SCHIP1: variants seen among roughly 807,000 people sequenced by gnomAD.
SCHIP1 encodes the protein schwannomin interacting protein 1, also known as schwannomin-interacting protein 1.
Under a neutral mutation model 29.7 loss-of-function variants are expected in SCHIP1, and 8 were observed. The observed-to-expected ratio is 0.27, with a 90% CI of 0.16 to 0.49. SCHIP1 has a LOEUF of 0.49. Ranked by LOEUF, SCHIP1 falls within the 20% of genes least tolerant of loss-of-function variation. The pLI is 0.99. For synonymous variants in SCHIP1, 76 were observed against 94.9 expected, an observed-to-expected ratio of 0.80 and a Z score of 1.16; for missense variants, 193 against 294.6, an observed-to-expected ratio of 0.66 and a Z score of 2.52.
At chr3:159,680,892 A>G in the SCHIP1 span, among the ~76,000 whole-genome samples, 1 of 149,842 alleles carries the variant, frequency 6.7e-6, no homozygotes, top group Non-Finnish European at 1.5e-5. Flanking sequence ...TAAAAATATA[A>G]ATTTTTAAAC....
the SCHIP1 span, among the ~76,000 whole-genome samples, chr3:159,542,568 C>T: frequency 1.3e-5 from 2 of 152,066 alleles, no homozygotes; most frequent in South Asian, 4.1e-4. Context: ...TATTGCTGAG[C>T]GGTATTCCAT....
the SCHIP1 span, among the ~76,000 whole-genome samples, chr3:159,605,691 A>G: frequency 6.6e-6 from 1 of 152,244 alleles, no homozygotes; most frequent in East Asian, 1.9e-4. Context: ...GAGATAGTAC[A>G]GATAATCAAA....
At chr3:159,508,803 T>C in the SCHIP1 span, among the ~76,000 whole-genome samples, 4 of 152,228 alleles carry the variant, frequency 2.6e-5, no homozygotes, top group African/African-American at 9.6e-5. Flanking sequence ...AATCCTGAGT[T>C]CTAGTTTGAT....
the SCHIP1 span, among the ~76,000 whole-genome samples, chr3:159,330,241 A>T: frequency 6.6e-6 from 1 of 152,152 alleles, no homozygotes; most frequent in Non-Finnish European, 1.5e-5. Flanking sequence ...TAGATCAGTA[A>T]TTCTTTTTTC....
At chr3:159,436,774 C>T in the SCHIP1 span, among the ~76,000 whole-genome samples, 1 of 152,082 alleles carries the variant, frequency 6.6e-6, no homozygotes, top group African/African-American at 2.4e-5. Flanking sequence ...GTGTCAGGTA[C>T]AATTGAGCTT....
the SCHIP1 span, among the ~76,000 whole-genome samples, chr3:159,393,784 C>A: frequency 6.6e-6 from 1 of 151,568 alleles, no homozygotes. Flanking sequence ...TTAGGATTGA[C>A]TTGGCGATGC....
At chr3:159,680,557 A>G in the SCHIP1 span, among the ~76,000 whole-genome samples, 1 of 117,982 alleles carries the variant, frequency 8.5e-6, no homozygotes, top group Non-Finnish European at 1.7e-5. Context: ...TATATAATAT[A>G]TATAATATAT....
At chr3:159,720,663 C>A in the SCHIP1 span, among the ~76,000 whole-genome samples, 2,096 of 152,178 alleles carry the variant, frequency 0.014, 22 homozygotes, top group Non-Finnish European at 0.022. Flanking sequence ...CGGCTCACTG[C>A]AACCTCTGCC....
At chr3:159,437,853 G>C in the SCHIP1 span, among the ~76,000 whole-genome samples, 3 of 152,114 alleles carry the variant, frequency 2.0e-5, no homozygotes, top group African/African-American at 7.2e-5. Flanking sequence ...ATACTAGTAA[G>C]AAGTAATATA....
chr3:159,347,547 G>A, the SCHIP1 span, among the ~76,000 whole-genome samples: 3 of 152,308 alleles, frequency 2.0e-5, no homozygotes, highest in Admixed American at 2.0e-4. Flanking sequence ...TTTATTAATA[G>A]TGACTTCAGA....
At chr3:159,563,869 C>T in the SCHIP1 span, among the ~76,000 whole-genome samples, 1 of 152,090 alleles carries the variant, frequency 6.6e-6, no homozygotes, top group African/African-American at 2.4e-5. Context: ...TCCTCTATTG[C>T]ATATCAAAAT....
At chr3:159,398,433 G>C in the SCHIP1 span, among the ~76,000 whole-genome samples, 4 of 152,188 alleles carry the variant, frequency 2.6e-5, no homozygotes, top group Non-Finnish European at 5.9e-5. Flanking sequence ...GGTTCTGGTA[G>C]GTCAGGGGTT....
chr3:159,677,895 G>A, the SCHIP1 span, among the ~76,000 whole-genome samples: 1 of 152,134 alleles, frequency 6.6e-6, no homozygotes, highest in South Asian at 2.1e-4. Context: ...GGGTGCAGTG[G>A]TGCCATCATA....
the SCHIP1 span, among the ~76,000 whole-genome samples, chr3:159,428,031 T>C: frequency 2.0e-5 from 3 of 152,324 alleles, no homozygotes; most frequent in South Asian, 2.1e-4. Flanking sequence ...TTACATCTTA[T>C]TCAAAAATTA....
the SCHIP1 span, among the ~76,000 whole-genome samples, chr3:159,560,239 C>T: frequency 6.6e-6 from 1 of 152,130 alleles, no homozygotes; most frequent in Admixed American, 6.5e-5. Flanking sequence ...CTACATCTTG[C>T]CACTCCTGTG....
At chr3:159,594,414 A>T in the SCHIP1 span, among the ~76,000 whole-genome samples, 6 of 152,222 alleles carry the variant, frequency 3.9e-5, no homozygotes, top group Non-Finnish European at 7.3e-5. Flanking sequence ...AAGTAAAGTC[A>T]ATTGAAGGAA....
At chr3:159,566,416 C>A in the SCHIP1 span, among the ~76,000 whole-genome samples, 2 of 152,074 alleles carry the variant, frequency 1.3e-5, no homozygotes, top group Admixed American at 1.3e-4. Context: ...AAAAATAAAC[C>A]AAAACCCTGC....
chr3:159,279,267 C>T, the SCHIP1 span, among the ~76,000 whole-genome samples: 1 of 152,146 alleles, frequency 6.6e-6, no homozygotes, highest in East Asian at 1.9e-4. Context: ...GGGCAGTTCC[C>T]CTGCACACAC....
intron 2 of SCHIP1, among the ~76,000 whole-genome samples, chr3:159,866,905 G>A (rs1283342817): frequency 6.6e-5 from 10 of 152,146 alleles, no homozygotes; most frequent in African/African-American, 2.4e-4. Flanking sequence ...AGTGCTATAG[G>A]CCAGAGTTTC....
Sources: gnomAD v4.1 joint callset for allele counts (sites outside exome capture counted in the v4.1 genomes callset) on GRCh38, gnomAD v4.1.1 for gene constraint, MANE v1.5 for transcripts, NCBI Gene and HGNC (gene_info 2026-07-23, HGNC 2026-07-21) for gene names.